Variants in NCOA7 observed in about 807,000 individuals in gnomAD.
NCOA7 encodes the protein 140 kDa estrogen receptor-associated protein.
In NCOA7, 45 loss-of-function variants were observed where a neutral mutation model predicts 104.3. The ratio of observed to expected loss-of-function variants is 0.43; its 90% confidence interval spans 0.34 to 0.55. The LOEUF is 0.55. Among genes scored for constraint, NCOA7 ranks in the 20% least tolerant of loss-of-function variants. NCOA7 has a pLI of 0.02. For synonymous variants in NCOA7, 398 were observed against 402.3 expected (o/e 0.99, Z 0.13); for missense variants, 1,041 against 1,119.7 (o/e 0.93, Z 1.00).
At chr6:125,869,746 G>A (rs1007331203) in intron 3 of NCOA7, among the ~76,000 whole-genome samples, 2 of 152,158 alleles carry the variant, frequency 1.3e-5, no homozygotes, top group Admixed American at 6.5e-5. Flanking sequence ...ATGCTGGTTC[G>A]GAGAAAAACC....
intron 1 of NCOA7, among the ~76,000 whole-genome samples, chr6:125,801,196 C>A (rs1344482782): frequency 6.6e-6 from 1 of 152,156 alleles, no homozygotes; most frequent in East Asian, 1.9e-4. Flanking sequence ...AAGACTCTTG[C>A]AGGATAAAAT....
At position 125,919,131 on chromosome 6, in the gene NCOA7, C is replaced by T. The variant is rs142294314; in HGVS notation, c.2245-1812C>T. On this transcript the variant is annotated intron_variant, in intron 11 of 15. Transcript: ENST00000392477. ...AAAGTGTCCTTTTACAGTCTCACAG[C>T]GATGCCTGGCAGGAAGTGTGTTTGC... 3.2e-4 allele frequency: 324 copies of T among 997,878 alleles called. 1 individual carries two copies. The African/African-American group carries it at 4.6e-3, about 14-fold the overall frequency. The allele number at this position is 997,878 out of a possible 1,614,324, so 61.8% of individuals were successfully genotyped here. A position where few individuals can be genotyped will look rare whatever the true frequency, so the allele number is the denominator to read the frequency against.
intron 1 of NCOA7, among the ~76,000 whole-genome samples, chr6:125,809,345 G>T (rs1044614786): frequency 6.6e-6 from 1 of 152,054 alleles, no homozygotes; most frequent in African/African-American, 2.4e-5. Context: ...ACCACGTCTG[G>T]CTACTTTTTG....
Position 125,931,534 on chromosome 6 carries a change from C to T in NCOA7, c.*2763C>T, listed in dbSNP as rs973526335. On this transcript the variant is annotated 3_prime_UTR_variant, in exon 16 of 16. Coordinates refer to ENST00000392477, the MANE Select transcript of NCOA7 (RefSeq NM_181782.5). ...CAGTCTTCATTGCTTCATAATTCCT[C>T]AGTTCATAAGTCCATATCAAAGGAC... The T allele has an allele frequency of 6.6e-6, 1 of 152,142 alleles. No individual in the cohort carries two copies. The highest frequency in any genetic ancestry group is 2.4e-5 in the African/African-American group (1 of 41,416). 9.4% of individuals were successfully genotyped at this position (152,142 alleles called of 1,614,324 possible).
chr6:125,857,982 T>G (rs1410398286), intron 3 of NCOA7, among the ~76,000 whole-genome samples: 2 of 152,076 alleles, frequency 1.3e-5, no homozygotes, highest in Non-Finnish European at 2.9e-5. Context: ...ATGCTGAGTC[T>G]GAAACAATGT....
At chr6:125,919,214 A>G (rs1787348031) in intron 11 of NCOA7, 1 of 1,572,338 alleles carries the variant, frequency 6.4e-7, no homozygotes, top group Non-Finnish European at 8.6e-7. Context: ...CCTGAGGGAA[A>G]CAGAAACTCA....
intron 3 of NCOA7, among the ~76,000 whole-genome samples, chr6:125,858,747 C>G (rs1226780317): frequency 1.3e-5 from 2 of 152,270 alleles, no homozygotes; most frequent in African/African-American, 2.4e-5. Flanking sequence ...TAGATAAAAC[C>G]TCTAGGTGGA....
At chr6:125,909,898 G>A (rs551523435) in intron 10 of NCOA7, among the ~76,000 whole-genome samples, 67 of 152,268 alleles carry the variant, frequency 4.4e-4, no homozygotes, top group African/African-American at 1.6e-3. Flanking sequence ...GCTCTAAATG[G>A]GATGCTGTCA....
chr6:125,868,227 A>G (rs1301165411), intron 3 of NCOA7, among the ~76,000 whole-genome samples: 1 of 152,194 alleles, frequency 6.6e-6, no homozygotes, highest in Non-Finnish European at 1.5e-5. Flanking sequence ...CTGTTAAACA[A>G]TTTATAAAGC....
intron 1 of NCOA7, among the ~76,000 whole-genome samples, chr6:125,792,538 T>A (rs879741201): frequency 2.6e-5 from 4 of 152,234 alleles, no homozygotes; most frequent in Non-Finnish European, 5.9e-5. Flanking sequence ...ATTTTAGAGT[T>A]GAGTTTTTCA....
In NCOA7 at chr6:125,815,363, C is replaced by A. The variant is rs765954355; in HGVS notation, c.9C>A (p.Thr3=). ...ACTTTTGATTGTGTATTATGGATAC[C>A]AAGGAAGAGAAGAAGGAACGGAAAC... is the stretch of plus-strand genomic sequence containing the variant. MD[T]KEEKKERKQS... is the part of the protein sequence containing the mutation. Residue 3 remains threonine (T), a synonymous_variant, in exon 2 of 16, where the codon ACC becomes ACA. Transcript: ENST00000392477. The A allele has an allele frequency of 6.2e-7, 1 of 1,606,574 alleles. No individual in the cohort carries two copies. Among genetic ancestry groups the A allele is most frequent in the African/African-American group, 1.3e-5 (1 of 74,822 alleles).
At chr6:125,885,675 A>G (rs1400743697) in intron 8 of NCOA7, among the ~76,000 whole-genome samples, 2 of 152,192 alleles carry the variant, frequency 1.3e-5, no homozygotes, top group Admixed American at 6.5e-5. Flanking sequence ...AGTTTATCCA[A>G]TTATCAATAA....
chr6:125,820,517 A>T (rs1401918405), intron 2 of NCOA7, among the ~76,000 whole-genome samples: 20 of 152,196 alleles, frequency 1.3e-4, no homozygotes, highest in Non-Finnish European at 2.9e-5. Flanking sequence ...GGCAGAGGAG[A>T]TTTGAACCCA....
At chr6:125,825,169 C>A (rs1186582405) in intron 2 of NCOA7, among the ~76,000 whole-genome samples, 8 of 131,306 alleles carry the variant, frequency 6.1e-5, no homozygotes, top group Non-Finnish European at 1.2e-4. Flanking sequence ...GAGACCCTGT[C>A]TCTACAAAAA....
intron 10 of NCOA7, among the ~76,000 whole-genome samples, chr6:125,900,195 ATCT>A (rs1455412122): frequency 1.3e-5 from 2 of 152,158 alleles, no homozygotes; most frequent in African/African-American, 4.8e-5. Context: ...GTGTTGCTAC[ATCT>A]TCTCATCTTT....
chr6:125,839,846 G>A (rs1315538497), intron 2 of NCOA7, among the ~76,000 whole-genome samples: 4 of 151,980 alleles, frequency 2.6e-5, no homozygotes, highest in Non-Finnish European at 5.9e-5. Context: ...CTGTGGAAAA[G>A]CATAGTACAT....
chr6:125,860,197 T>C (rs1178160454), intron 3 of NCOA7, among the ~76,000 whole-genome samples: 1 of 152,226 alleles, frequency 6.6e-6, no homozygotes. Flanking sequence ...AATTTTTTGG[T>C]GAAAATGTGT....
At chr6:125,837,567 G>A (rs1024192290) in intron 2 of NCOA7, among the ~76,000 whole-genome samples, 3 of 152,056 alleles carry the variant, frequency 2.0e-5, no homozygotes, top group Non-Finnish European at 4.4e-5. Flanking sequence ...TCCAGTCAGT[G>A]TATCTCCTCA....
At position 125,855,071 on chromosome 6, in the gene NCOA7, A is replaced by G. The variant is rs747877767; in HGVS notation, c.102A>G (p.Val34=). The G allele has an allele frequency of 8.7e-6, 14 of 1,613,128 alleles. No individual in the cohort carries two copies. The highest frequency in any genetic ancestry group is 1.2e-5 in the Non-Finnish European group (14 of 1,179,956). ...AAAATGCAGAGACAGCCTCAGCTGT[A>G]GCTACAAGGACTCATACTGGGAAGG... is the stretch of plus-strand genomic sequence containing the variant. ...AKQNAETASA[V]ATRTHTGKED... The change falls in exon 3 of 16, where the codon GTA becomes GTG. Residue 34 remains valine, a synonymous_variant. Coordinates refer to ENST00000392477, the MANE Select transcript of NCOA7 (RefSeq NM_181782.5).
Sources: gnomAD v4.1 joint callset for allele counts (sites outside exome capture counted in the v4.1 genomes callset) on GRCh38, gnomAD v4.1.1 for gene constraint, MANE v1.5 for transcripts, NCBI Gene and HGNC (gene_info 2026-07-23, HGNC 2026-07-21) for gene names.